Variants in EVPLL observed in about 807,000 individuals in gnomAD.
EVPLL encodes the protein envoplakin-like protein.
EVPLL carries 39 observed loss-of-function variants against 46.2 expected under a neutral mutation model. The observed-to-expected ratio is 0.84, with a 90% CI of 0.65 to 1.10. The LOEUF is 1.10. EVPLL is among the 50% of genes least tolerant of loss of function. EVPLL has a pLI of 0.00. For synonymous variants in EVPLL, 156 were observed against 165.8 expected (o/e 0.94, Z 0.46); for missense variants, 385 against 412.6 (o/e 0.93, Z 0.58).
intron 1 of EVPLL, among the ~76,000 whole-genome samples, chr17:18,379,259 G>T (rs1567809517): frequency 6.6e-6 from 1 of 152,244 alleles, no homozygotes; most frequent in Non-Finnish European, 1.5e-5. Context: ...GCAGCAGCCC[G>T]CCTGGGTCCA....
chr17:18,381,897 G>A lies in EVPLL; in HGVS notation c.346+167G>A. On this transcript the variant is annotated intron_variant, in intron 4 of 10. Coordinates refer to ENST00000399134, the MANE Select transcript of EVPLL (RefSeq NM_001145127.2). The surrounding 1 kb of genome is among the most constrained non-coding windows in gnomAD (Gnocchi z 4.2). ...TGCAGTCAGGGAAGACTTCCTGTAG[G>A]AGGAGGCACATGAAGAGACCTCAGA... The A allele has an allele frequency of 8.8e-7, 1 of 1,132,120 alleles. No individual in the cohort carries two copies. The highest frequency in any genetic ancestry group is 1.3e-6 in the Non-Finnish European group (1 of 798,930). 70.1% of individuals were successfully genotyped at this position (1,132,120 alleles called of 1,614,324 possible). A position where few individuals can be genotyped will look rare whatever the true frequency, so the allele number is the denominator to read the frequency against.
At chr17:18,378,853 G>A (rs1987468796) in intron 1 of EVPLL, among the ~76,000 whole-genome samples, 2 of 151,586 alleles carry the variant, frequency 1.3e-5, no homozygotes, top group South Asian at 2.1e-4. Context: ...TGAGGCGGGT[G>A]GATGACTTGA....
chr17:18,380,824 G>A, intron 1 of EVPLL, 78 bp from the exon 2 acceptor site: 1 of 1,239,782 alleles, frequency 8.1e-7, no homozygotes, highest in East Asian at 2.5e-5. Context: ...GGTGGAGAGA[G>A]GGCAGGGGAC....
At chr17:18,383,433 G>A (rs867154096) in intron 8 of EVPLL, 55 bp downstream of exon 8, 1 of 1,542,270 alleles carries the variant, frequency 6.5e-7, no homozygotes, top group Non-Finnish European at 8.8e-7. Context: ...GGGAAGGGGG[G>A]GGTGGACGTG....
intron 9 of EVPLL, chr17:18,387,896 C>T: frequency 6.6e-6 from 1 of 150,994 alleles, no homozygotes; most frequent in Non-Finnish European, 1.5e-5. Context: ...ACATGTAGTC[C>T]CAGCTATTCA....
intron 9 of EVPLL, among the ~76,000 whole-genome samples, chr17:18,386,238 C>G (rs1567813253): frequency 6.6e-6 from 1 of 152,152 alleles, no homozygotes; most frequent in African/African-American, 2.4e-5. Context: ...ATGCATGTCT[C>G]TGTGTCCAAA....
In EVPLL at chr17:18,381,265, G is replaced by A; in HGVS notation, c.64-102G>A. On this transcript the variant is annotated intron_variant, in intron 2 of 10. Coordinates refer to ENST00000399134, the MANE Select transcript of EVPLL (RefSeq NM_001145127.2). This position sits in a 1 kb window ranked among gnomAD's most constrained non-coding sequence, Gnocchi z 4.2. ...CTGGCGTGGGCCTCGAGGTTGGCCA[G>A]CATAGCTGGGGTCCCAAAGGTGGGG... The A allele has an allele frequency of 2.1e-6, 3 of 1,454,468 alleles. No homozygotes were observed. The highest frequency in any genetic ancestry group is 2.7e-6 in the Non-Finnish European group (3 of 1,103,162). 90.1% of individuals were successfully genotyped at this position (1,454,468 alleles called of 1,614,324 possible).
intron 9 of EVPLL, 198 bp downstream of exon 9, chr17:18,383,785 C>T (rs183075807): frequency 1.7e-6 from 1 of 580,346 alleles, no homozygotes; most frequent in Non-Finnish European, 3.1e-6. Context: ...TCAGCCTGGC[C>T]AACATGGTGA....
chr17:18,379,313 G>T (rs1375043332), intron 1 of EVPLL, among the ~76,000 whole-genome samples: 1 of 152,240 alleles, frequency 6.6e-6, no homozygotes, highest in African/African-American at 2.4e-5. Context: ...GTGTGGGAGT[G>T]GGGGTGCCCA....
At position 18,377,949 on chromosome 17, in the gene EVPLL, G is replaced by C; in HGVS notation, c.-71G>C. On this transcript the variant is annotated 5_prime_UTR_variant, in exon 1 of 11. Coordinates refer to ENST00000399134, the MANE Select transcript of EVPLL (RefSeq NM_001145127.2). ...GTCCCCCAAGGACTCCCCAGCCAAG[G>C]GGTCCCCCAAAGGCTCCCCCAGCAA... 9.3e-7 allele frequency: 1 copy of C among 1,078,848 alleles called. No individual in the cohort carries two copies. Among genetic ancestry groups the C allele is most frequent in the South Asian group, 1.7e-5 (1 of 57,496 alleles). The allele number at this position is 1,078,848 out of a possible 1,614,324, so 66.8% of individuals were successfully genotyped here.
At chr17:18,385,005 G>GGGCAAGAGAT (rs1311791959) in intron 9 of EVPLL, among the ~76,000 whole-genome samples, 6 of 151,716 alleles carry the variant, frequency 4.0e-5, no homozygotes, top group Non-Finnish European at 7.4e-5. Flanking sequence ...ATGGGGAAAG[G>GGGCAAGAGAT]GGCAAGAGAT....
intron 1 of EVPLL, chr17:18,380,283 G>A (rs1987517999): frequency 6.6e-6 from 1 of 152,424 alleles, no homozygotes. Context: ...GTAACTCAGA[G>A]CAAGTTAGGG....
At position 18,377,963 on chromosome 17, in the gene EVPLL, C is replaced by T; in HGVS notation, c.-57C>T. ...CCCCAGCCAAGGGGTCCCCCAAAGG[C>T]TCCCCCAGCAAGCACAGCTGGTGAG... On this transcript the variant is annotated 5_prime_UTR_variant, in exon 1 of 11. Coordinates refer to ENST00000399134, the MANE Select transcript of EVPLL (RefSeq NM_001145127.2). 1 of 1,035,812 alleles carries T rather than the reference C, an allele frequency of 9.7e-7. No individual in the cohort carries two copies. The highest frequency in any genetic ancestry group is 3.9e-5 in the Admixed American group (1 of 25,696). The allele number at this position is 1,035,812 out of a possible 1,614,324, so 64.2% of individuals were successfully genotyped here. A position where few individuals can be genotyped will look rare whatever the true frequency, so the allele number is the denominator to read the frequency against.
chr17:18,383,253 C>G lies in EVPLL; in HGVS notation c.673-18C>G, dbSNP rs1425290598. 3 of 1,565,604 alleles carry G rather than the reference C, an allele frequency of 1.9e-6. No homozygotes were observed. The highest frequency in any genetic ancestry group is 2.6e-6 in the Non-Finnish European group (3 of 1,158,384). On this transcript the variant is annotated intron_variant, in intron 7 of 10. Transcript: ENST00000399134. ...CATCCTGGTCCTCACCGCCGCTCCC[C>G]ACCCGACTCGCCCCCAGCACTTCAA...
chr17:18,382,483 G>A (rs1230894146), intron 4 of EVPLL, 30 bp from the exon 5 acceptor site: 5 of 1,551,148 alleles, frequency 3.2e-6, no homozygotes, highest in Non-Finnish European at 4.4e-6. Flanking sequence ...CCCTGGTCCT[G>A]TGGTGACTGA....
chr17:18,382,768 G>C, intron 5 of EVPLL, 58 bp from the exon 6 acceptor site: 1 of 1,580,122 alleles, frequency 6.3e-7, no homozygotes, highest in Non-Finnish European at 8.6e-7. Flanking sequence ...AGATCTTAGG[G>C]GGCCGTCTCC....
At chr17:18,385,844 T>C (rs1987747752) in intron 9 of EVPLL, among the ~76,000 whole-genome samples, 1 of 152,218 alleles carries the variant, frequency 6.6e-6, no homozygotes, top group Non-Finnish European at 1.5e-5. Context: ...CATATGATAA[T>C]ATACACTGAA....
In EVPLL at chr17:18,377,887, T is replaced by C. The variant is rs1379289602; in HGVS notation, c.-133T>C. ...GAGCCAGCACCTGCCTTTATGACCA[T>C]GTTCAAGGGACTGAGCAAAGGCTCC... is the stretch of plus-strand genomic sequence containing the variant. On this transcript the variant is annotated 5_prime_UTR_variant, in exon 1 of 11. An upstream start codon of the reference 5' UTR is lost. Transcript: ENST00000399134. 9 of 1,087,200 alleles carry C rather than the reference T, an allele frequency of 8.3e-6. No homozygotes were observed. The highest frequency in any genetic ancestry group is 1.2e-5 in the Non-Finnish European group (9 of 760,220). The allele number at this position is 1,087,200 out of a possible 1,614,324, so 67.3% of individuals were successfully genotyped here.
At chr17:18,380,036 T>G (rs1386029173) in intron 1 of EVPLL, 1 of 152,278 alleles carries the variant, frequency 6.6e-6, no homozygotes, top group Non-Finnish European at 1.5e-5. Flanking sequence ...TCCCGTTGCC[T>G]GGGGGGGCCC....
Sources: gnomAD v4.1 joint callset for allele counts (sites outside exome capture counted in the v4.1 genomes callset) on GRCh38, gnomAD v4.1.1 for gene constraint, Gnocchi (gnomAD v3.1) non-coding constraint, MANE v1.5 for transcripts, NCBI Gene and HGNC (gene_info 2026-07-23, HGNC 2026-07-21) for gene names.